SLC9A5: variants seen among roughly 807,000 people sequenced by gnomAD.
The protein encoded by SLC9A5 is sodium/hydrogen exchanger 5.
SLC9A5 carries 52 observed loss-of-function variants against 91.7 expected under a neutral mutation model. That is an observed-to-expected ratio of 0.57 (90% confidence interval 0.45 to 0.71). The LOEUF (loss-of-function observed/expected upper bound fraction) is 0.71, where lower values mean the gene tolerates loss of function less well. SLC9A5 is among the 30% of genes least tolerant of loss of function. SLC9A5 has a pLI of 0.00. For synonymous variants in SLC9A5, 419 were observed against 474.5 expected (o/e 0.88, Z 1.52); for missense variants, 871 against 1,158.9 (o/e 0.75, Z 3.61).
chr16:67,266,909 CTT>C (rs59587631), intron 15 of SLC9A5, among the ~76,000 whole-genome samples: 1 of 77,926 alleles, frequency 1.3e-5, no homozygotes, highest in Non-Finnish European at 2.9e-5. Flanking sequence ...TTTTCTTTTT[CTT>C]TTTTTTTTTT....
At chr16:67,254,332 A>G (rs1234417318) in intron 2 of SLC9A5, among the ~76,000 whole-genome samples, 1 of 152,254 alleles carries the variant, frequency 6.6e-6, no homozygotes, top group Admixed American at 6.5e-5. Context: ...AATAGTTAGC[A>G]GCCAATTTCC....
chr16:67,270,752 T>G lies in SLC9A5; in HGVS notation c.2233T>G (p.Cys745Gly). The G allele has an allele frequency of 6.2e-7, 1 of 1,607,316 alleles. No individual in the cohort carries two copies. Among genetic ancestry groups the G allele is most frequent in the Non-Finnish European group, 8.5e-7 (1 of 1,175,724 alleles). The change falls in exon 16 of 16, where the codon TGC (cysteine) becomes GGC (glycine). Residue 745 changes from cysteine to glycine, a missense_variant. Transcript: ENST00000299798. The surrounding 1 kb of genome is among the most constrained non-coding windows in gnomAD (Gnocchi z 4.3). ...EGKVSGSLEV[C>G]PSPRIIPPSP... ...TCTGTCCCCAGGAAGCCTTGAGGTG[T>G]GCCCAAGCCCACGAATCATTCCCCC...
intron 2 of SLC9A5, 34 bp from the exon 3 acceptor site, chr16:67,254,987 A>G (rs201622670): frequency 6.3e-6 from 10 of 1,589,130 alleles, no homozygotes; most frequent in Non-Finnish European, 8.6e-6. Flanking sequence ...GTCGTCTTCA[A>G]TGACTGGCCT....
chr16:67,254,007 G>T (rs2142344161), intron 2 of SLC9A5, among the ~76,000 whole-genome samples: 1 of 152,278 alleles, frequency 6.6e-6, no homozygotes, highest in African/African-American at 2.4e-5. Context: ...TTGAGGTAGT[G>T]AACTATTTGG....
chr16:67,268,661 TATATATATATATA>T (rs2035803472), intron 15 of SLC9A5, among the ~76,000 whole-genome samples: 2 of 16,824 alleles, frequency 1.2e-4, no homozygotes, highest in East Asian at 2.3e-3. Context: ...TCCCTGATTA[TATATATATATATA>T]TATATATATA....
At chr16:67,259,070 C>A (rs2035423415) in intron 10 of SLC9A5, among the ~76,000 whole-genome samples, 1 of 151,812 alleles carries the variant, frequency 6.6e-6, no homozygotes, top group South Asian at 2.1e-4. Flanking sequence ...ACCGGCCTGG[C>A]CAACATAGTG....
chr16:67,265,209 A>C, intron 14 of SLC9A5, 103 bp downstream of exon 14: 2 of 1,046,980 alleles, frequency 1.9e-6, no homozygotes, highest in Non-Finnish European at 2.9e-6. Flanking sequence ...TGCATTCAGC[A>C]CCGTGACCTG....
intron 15 of SLC9A5, among the ~76,000 whole-genome samples, chr16:67,267,901 T>C (rs2035771246): frequency 6.6e-6 from 1 of 152,192 alleles, no homozygotes; most frequent in Non-Finnish European, 1.5e-5. Context: ...CCAATCTTAT[T>C]TCACCTAAAC....
chr16:67,267,389 A>T (rs1364358499), intron 15 of SLC9A5, among the ~76,000 whole-genome samples: 1 of 151,798 alleles, frequency 6.6e-6, no homozygotes, highest in African/African-American at 2.4e-5. Flanking sequence ...CTCAGCACCC[A>T]GCTGATTTTT....
chr16:67,269,016 A>G (rs916008934), intron 15 of SLC9A5, among the ~76,000 whole-genome samples: 2 of 151,672 alleles, frequency 1.3e-5, no homozygotes, highest in Admixed American at 6.6e-5. Context: ...TTTCTTCACG[A>G]TGTATTTACT....
rs937930490 is a variant in SLC9A5, at chr16:67,256,793, C to T, written c.1132+104C>T. 7.4e-7 allele frequency: 1 copy of T among 1,343,912 alleles called. No individual in the cohort carries two copies. Among genetic ancestry groups the T allele is most frequent in the Non-Finnish European group, 1.1e-6 (1 of 946,308 alleles). The allele number at this position is 1,343,912 out of a possible 1,614,324, so 83.2% of individuals were successfully genotyped here. On this transcript the variant is annotated intron_variant, in intron 6 of 15. Transcript: ENST00000299798. The surrounding 1 kb of genome is among the most constrained non-coding windows in gnomAD (Gnocchi z 4.1). ...ACATCTTTGTCAATTCCTAAGCCTCCTCTTGTTGCTCACCTGTCCCAGCCC... is the reference window on the plus strand; with the variant it reads ...ACATCTTTGTCAATTCCTAAGCCTCTTCTTGTTGCTCACCTGTCCCAGCCC...
chr16:67,270,757 A>T lies in SLC9A5; in HGVS notation c.2238A>T (p.Pro746=), dbSNP rs2035888026. Residue 746 remains proline (P), a synonymous_variant, in exon 16 of 16, where the codon CCA becomes CCT. Transcript: ENST00000299798. The surrounding 1 kb of genome is among the most constrained non-coding windows in gnomAD (Gnocchi z 4.3). ...GKVSGSLEVC[P]SPRIIPPSPT... ...CCCCAGGAAGCCTTGAGGTGTGCCC[A>T]AGCCCACGAATCATTCCCCCCTCCC... 6.2e-7 allele frequency: 1 copy of T among 1,610,090 alleles called. No individual in the cohort carries two copies. Among genetic ancestry groups the T allele is most frequent in the Admixed American group, 1.7e-5 (1 of 59,734 alleles).
rs967583808 is a variant in SLC9A5 at position 67,255,173 on chromosome 16, G to A, written c.643G>A (p.Ala215Thr). Residue 215 changes from alanine to threonine, a missense_variant, in exon 3 of 16, where the codon GCT (alanine) becomes ACT (threonine). Physicochemically the swap from Ala to Thr is moderately conservative, Grantham distance 58. Coordinates refer to ENST00000299798, the MANE Select transcript of SLC9A5 (RefSeq NM_004594.3). This position sits in a 1 kb window ranked among gnomAD's most constrained non-coding sequence, Gnocchi z 4.9. ...IVFGESLLND[A>T]VTVVLYKVCN... ...CTTTGGCGAGTCCCTGCTCAACGATGCTGTCACCGTGGTGAGCGTGCTCAG... is the reference window on the plus strand; with the variant it reads ...CTTTGGCGAGTCCCTGCTCAACGATACTGTCACCGTGGTGAGCGTGCTCAG... 2.5e-6 allele frequency: 4 copies of A among 1,613,504 alleles called. No homozygotes were observed. Among genetic ancestry groups the A allele is most frequent in the Non-Finnish European group, 3.4e-6 (4 of 1,179,688 alleles).
rs926446431 is a variant in SLC9A5, at chr16:67,256,758, A to G, written c.1132+69A>G. ...GCCCCTCCCTGCAGCTCATCTCCCT[A>G]TCTGAGTCCACATCTTTGTCAATTC... On this transcript the variant is annotated intron_variant, in intron 6 of 15. Coordinates refer to ENST00000299798, the MANE Select transcript of SLC9A5 (RefSeq NM_004594.3). The surrounding 1 kb of genome is among the most constrained non-coding windows in gnomAD (Gnocchi z 4.1). The G allele has an allele frequency of 1.5e-6, 2 of 1,374,552 alleles. No individual in the cohort carries two copies. The highest frequency in any genetic ancestry group is 2.4e-4 in the Middle Eastern group (1 of 4,118). 85.1% of individuals were successfully genotyped at this position (1,374,552 alleles called of 1,614,324 possible).
Position 67,264,354 on chromosome 16 carries a change from C to T in SLC9A5, c.1845C>T (p.Tyr615=). Residue 615 remains tyrosine, a splice_region_variant and synonymous_variant, in exon 13 of 16, where the codon TAC becomes TAT. Transcript: ENST00000299798. ...CCAGGCGGGGCTGTCATTGCCAGTA[C>T]AAAGCCAGCTGCAGTCGCCACTTCA... The part of the protein sequence containing the change: ...CGGLYKPRRR[Y]KASCSRHFIS... 1 of 1,613,954 alleles carries T rather than the reference C, an allele frequency of 6.2e-7. No individual in the cohort carries two copies. The highest frequency in any genetic ancestry group is 8.5e-7 in the Non-Finnish European group (1 of 1,179,950).
intron 1 of SLC9A5, among the ~76,000 whole-genome samples, chr16:67,250,582 T>G (rs1275231305): frequency 6.6e-6 from 1 of 152,184 alleles, no homozygotes; most frequent in Non-Finnish European, 1.5e-5. Flanking sequence ...GGATGACATT[T>G]CCTATGGAAG....
In SLC9A5 at chr16:67,258,312, C is replaced by T. The variant is rs2035393102; in HGVS notation, c.1497-6C>T. 1 of 1,613,696 alleles carries T rather than the reference C, an allele frequency of 6.2e-7. No homozygotes were observed. The highest frequency in any genetic ancestry group is 1.1e-5 in the South Asian group (1 of 91,082). On this transcript the variant is annotated splice_region_variant and splice_polypyrimidine_tract_variant and intron_variant, in intron 9 of 15. Transcript: ENST00000299798. The surrounding 1 kb of genome is among the most constrained non-coding windows in gnomAD (Gnocchi z 4.5). ...GACTCAGGGCCGGGCCTGGCATCCT[C>T]TGTAGGTGGGAGCAGTTTGACAAGA...
At position 67,271,414 on chromosome 16, in the gene SLC9A5, C is replaced by T; in HGVS notation, c.*204C>T. ...ACCACCTCCCTGCTCCTAACCCCTG[C>T]CACTTTCTGTTTCATTAAGGCCTCT... On this transcript the variant is annotated 3_prime_UTR_variant, in exon 16 of 16. Coordinates refer to ENST00000299798, the MANE Select transcript of SLC9A5 (RefSeq NM_004594.3). 1.7e-6 allele frequency: 1 copy of T among 595,912 alleles called. No homozygotes were observed. Among genetic ancestry groups the T allele is most frequent in the Non-Finnish European group, 3.0e-6 (1 of 334,450 alleles). The allele number at this position is 595,912 out of a possible 1,614,324, so 36.9% of individuals were successfully genotyped here.
At chr16:67,264,231 G>T (rs1052361273) in intron 12 of SLC9A5, 121 bp from the exon 13 acceptor site, 18 of 803,096 alleles carry the variant, frequency 2.2e-5, no homozygotes, top group Non-Finnish European at 3.4e-5. Context: ...TCAATCCATT[G>T]TTAATTCTGG....
Sources: gnomAD v4.1 joint callset for allele counts (sites outside exome capture counted in the v4.1 genomes callset) on GRCh38, gnomAD v4.1.1 for gene constraint, Gnocchi (gnomAD v3.1) non-coding constraint, MANE v1.5 for transcripts, NCBI Gene and HGNC (gene_info 2026-07-23, HGNC 2026-07-21) for gene names.